The following SATB2 variants were observed in gnomAD, a reference collection of about 807,000 sequenced individuals.
The protein encoded by SATB2 is DNA-binding protein SATB2.
SATB2 carries 1 observed loss-of-function variant against 73.4 expected under a neutral mutation model. The ratio of observed to expected loss-of-function variants is 0.01; its 90% CI spans 0.00 to 0.06. The LOEUF (loss-of-function observed/expected upper bound fraction) is 0.06. SATB2 is among the 10% of genes least tolerant of loss of function. The pLI is 1.00. For missense variants in SATB2, 459 were observed against 945.8 expected (o/e 0.49, Z 6.75); for synonymous variants, 397 against 367.0 (o/e 1.08, Z -0.93).
chr2:199,419,462 G>C (rs1278549390), intron 3 of SATB2, among the ~76,000 whole-genome samples: 1 of 152,144 alleles, frequency 6.6e-6, no homozygotes, highest in Non-Finnish European at 1.5e-5. Context: ...TGCTAAAGAT[G>C]GTCAATTAGA....
Position 199,272,389 on chromosome 2 carries a change from T to C in SATB2, c.2024A>G (p.Lys675Arg). The C allele has an allele frequency of 2.5e-6, 4 of 1,614,214 alleles. No individual in the cohort carries two copies. Among genetic ancestry groups the C allele is most frequent in the Non-Finnish European group, 2.5e-6 (3 of 1,180,028 alleles). ...NQRYHVKHHG[K>R]LKEHLGSAVD... ...CGCGGAGCCCAGGTGCTCTTTCAGCTTCCCGTGGTGCTTCACGTGGTACCG... is the reference window on the plus strand; with the variant it reads ...CGCGGAGCCCAGGTGCTCTTTCAGCCTCCCGTGGTGCTTCACGTGGTACCG... The change falls in exon 11 of 11, where the codon AAG (lysine) becomes AGG (arginine). Residue 675 changes from lysine (K) to arginine (R), a missense_variant. By Grantham distance (26) the Lys-to-Arg change is conservative. This residue lies in a region of SATB2 where 13 missense variants were observed against 18.1 expected (regional missense o/e 0.72). Coordinates refer to ENST00000417098, the MANE Select transcript of SATB2 (RefSeq NM_001172509.2). The surrounding 1 kb of genome is among the most constrained non-coding windows in gnomAD (Gnocchi z 6.7).
At chr2:199,409,303 T>C (rs780515440) in intron 3 of SATB2, among the ~76,000 whole-genome samples, 15 of 151,782 alleles carry the variant, frequency 9.9e-5, no homozygotes, top group Non-Finnish European at 2.1e-4. Context: ...CCTGAGTAGC[T>C]GGAATTACAG....
rs537261028 is a variant in SATB2 at position 199,404,240 on chromosome 2, C to T, written c.347-22420G>A. On this transcript the variant is annotated intron_variant, in intron 3 of 10. Transcript: ENST00000417098. ...TTTCACATGAAAGCAGCCATCATGG[C>T]GGCCAGCACTCCTGACTCCCGATGT... Among the ~76,000 whole-genome samples the T allele has an allele frequency of 2.8e-4, 42 of 152,300 alleles. 1 individual carries two copies. Among genetic ancestry groups the T allele is most frequent in the African/African-American group, 9.9e-4 (41 of 41,572 alleles).
intron 3 of SATB2, among the ~76,000 whole-genome samples, chr2:199,388,372 C>T (rs1417799623): frequency 6.6e-6 from 1 of 152,118 alleles, no homozygotes; most frequent in Non-Finnish European, 1.5e-5. Flanking sequence ...AAGATGATAG[C>T]TTTTACCCCT....
intron 3 of SATB2, chr2:199,396,372 A>T (rs1690300568): frequency 6.6e-6 from 1 of 152,258 alleles, no homozygotes; most frequent in South Asian, 2.1e-4. Context: ...GGAATTATCC[A>T]AAAATTCAAT....
intron 3 of SATB2, among the ~76,000 whole-genome samples, chr2:199,386,757 CACACACACA>C (rs1275547299): frequency 4.0e-4 from 46 of 116,208 alleles, no homozygotes; most frequent in Admixed American, 9.2e-4. Flanking sequence ...CACACACACA[CACACACACA>C]CCTTTGAGTT....
chr2:199,349,028 G>A lies in SATB2; in HGVS notation c.846C>T (p.Ile282=), dbSNP rs373578751. The A allele has an allele frequency of 2.8e-5, 46 of 1,614,046 alleles. No homozygotes were observed. The highest frequency in any genetic ancestry group is 3.6e-5 in the Non-Finnish European group (43 of 1,180,006). The part of the protein sequence containing the change: ...PHSQIHHSTP[I]RNQVPALQPI... ...GCTGTAATGCGGGCACTTGGTTTCG[G>A]ATTGGAGTACTGTGGTGAATTTGGC... Residue 282 remains isoleucine, a synonymous_variant, in exon 7 of 11, where the codon ATC becomes ATT. Transcript: ENST00000417098.
At chr2:199,410,392 G>T (rs1194240842) in intron 3 of SATB2, among the ~76,000 whole-genome samples, 1 of 152,168 alleles carries the variant, frequency 6.6e-6, no homozygotes, top group African/African-American at 2.4e-5. Flanking sequence ...GAGTCTTCTT[G>T]TCTCAATTGG....
At chr2:199,402,152 C>T (rs1276647884) in intron 3 of SATB2, among the ~76,000 whole-genome samples, 3 of 152,096 alleles carry the variant, frequency 2.0e-5, no homozygotes, top group Non-Finnish European at 4.4e-5. Flanking sequence ...TTTGGGAGGC[C>T]GAGGCGGGTG....
intron 9 of SATB2, among the ~76,000 whole-genome samples, chr2:199,314,240 C>A (rs1213842016): frequency 6.6e-6 from 1 of 152,130 alleles, no homozygotes; most frequent in African/African-American, 2.4e-5. Context: ...AGTATGGTTT[C>A]TTGCACATAG....
chr2:199,426,575 G>A (rs1691334763), intron 3 of SATB2, among the ~76,000 whole-genome samples: 1 of 151,890 alleles, frequency 6.6e-6, no homozygotes, highest in African/African-American at 2.4e-5. Flanking sequence ...GGGATTACAA[G>A]TGTCAGCCAC....
rs573662102 is a variant in SATB2 at position 199,277,274 on chromosome 2, G to A, written c.1741-4602C>T. On this transcript the variant is annotated intron_variant, in intron 10 of 10. Coordinates refer to ENST00000417098, the MANE Select transcript of SATB2 (RefSeq NM_001172509.2). ...GTGTTTGTTAAAAGGATGTGTGTATGTCTAAAAGATTATCAAACTGTACAA... is the reference window on the plus strand; with the variant it reads ...GTGTTTGTTAAAAGGATGTGTGTATATCTAAAAGATTATCAAACTGTACAA... 4.6e-5 allele frequency among the ~76,000 whole-genome samples: 7 copies of A among 152,292 alleles called. No homozygotes were observed. The South Asian group carries it at 1.0e-3, about 23-fold the overall frequency.
chr2:199,281,327 A>G (rs1223317179), intron 10 of SATB2, among the ~76,000 whole-genome samples: 1 of 151,900 alleles, frequency 6.6e-6, no homozygotes, highest in Non-Finnish European at 1.5e-5. Flanking sequence ...AGGTGACTGT[A>G]TAAGGTGGTT....
chr2:199,449,801 C>T (rs1445925875), intron 2 of SATB2, among the ~76,000 whole-genome samples: 1 of 152,136 alleles, frequency 6.6e-6, no homozygotes, highest in Non-Finnish European at 1.5e-5. Flanking sequence ...ATTCACAGCT[C>T]TCCTTACTGG....
chr2:199,395,505 G>C (rs1690272671), intron 3 of SATB2, among the ~76,000 whole-genome samples: 1 of 151,950 alleles, frequency 6.6e-6, no homozygotes, highest in African/African-American at 2.4e-5. Flanking sequence ...CTCAAAACTG[G>C]TCATAATCAA....
At chr2:199,275,415 C>G (rs1378059034) in intron 10 of SATB2, among the ~76,000 whole-genome samples, 1 of 152,110 alleles carries the variant, frequency 6.6e-6, no homozygotes, top group Non-Finnish European at 1.5e-5. Flanking sequence ...TATTCTGTGC[C>G]AGGCAGTTCT....
intron 10 of SATB2, among the ~76,000 whole-genome samples, chr2:199,289,730 C>CA (rs1379607984): frequency 6.6e-6 from 1 of 152,172 alleles, no homozygotes; most frequent in Non-Finnish European, 1.5e-5. Context: ...ATTGGTGCTC[C>CA]AAGACCAACC....
At chr2:199,415,072 T>C (rs1342337910) in intron 3 of SATB2, among the ~76,000 whole-genome samples, 6 of 152,192 alleles carry the variant, frequency 3.9e-5, no homozygotes, top group Non-Finnish European at 7.3e-5. Flanking sequence ...GAATATGTAA[T>C]TTAAATACAA....
intron 9 of SATB2, among the ~76,000 whole-genome samples, chr2:199,315,669 T>C (rs1342501623): frequency 1.3e-5 from 2 of 152,104 alleles, no homozygotes; most frequent in Non-Finnish European, 2.9e-5. Flanking sequence ...TTCCAGTTTT[T>C]ACAATATTTC....
Sources: allele counts gnomAD v4.1 joint callset (sites outside exome capture counted in the v4.1 genomes callset), GRCh38; gene constraint gnomAD v4.1.1; regional missense constraint gnomAD v4.1.1; non-coding constraint Gnocchi (gnomAD v3.1); transcripts MANE v1.5; gene names NCBI Gene and HGNC (gene_info 2026-07-23, HGNC 2026-07-21).